Variants in ADAMTS6 observed in about 807,000 individuals in gnomAD.
ADAMTS6 encodes ADAM metallopeptidase with thrombospondin type 1 motif 6, also known as A disintegrin and metalloproteinase with thrombospondin motifs 6.
ADAMTS6 carries 23 observed loss-of-function variants against 144.3 expected under a neutral mutation model. The observed-to-expected ratio is 0.16, with a 90% CI of 0.11 to 0.23. ADAMTS6 has a LOEUF of 0.23. Among genes scored for constraint, ADAMTS6 ranks in the 10% least tolerant of loss-of-function variants. The pLI is 1.00. For missense variants in ADAMTS6, 999 were observed against 1,379.6 expected (o/e 0.72, Z 4.37); for synonymous variants, 444 against 457.5 (o/e 0.97, Z 0.38).
rs187021581 is a variant in ADAMTS6 at position 65,230,436 on chromosome 5, G to T, written c.1934-4217C>A. 8.2e-4 allele frequency among the ~76,000 whole-genome samples: 10 copies of T among 12,130 alleles called. 1 individual carries two copies. Among genetic ancestry groups the T allele is most frequent in the African/African-American group, 7.8e-3 (5 of 638 alleles). 8.0% of individuals were successfully genotyped at this position (12,130 alleles called of 152,430 possible). A position where few individuals can be genotyped will look rare whatever the true frequency, so the allele number is the denominator to read the frequency against. On this transcript the variant is annotated intron_variant, in intron 15 of 24. Coordinates refer to ENST00000381055, the MANE Select transcript of ADAMTS6 (RefSeq NM_197941.4). ...TATATATGAAATATATATAATACAT[G>T]ATATATATGAAATATATATAATACA...
intron 12 of ADAMTS6, among the ~76,000 whole-genome samples, chr5:65,272,352 T>C (rs1450126614): frequency 2.0e-5 from 3 of 152,180 alleles, no homozygotes; most frequent in African/African-American, 7.2e-5. Flanking sequence ...CAACAATTGT[T>C]GTTGTTTTTC....
chr5:65,474,760 G>T (rs1245011403), intron 1 of ADAMTS6, among the ~76,000 whole-genome samples: 1 of 79,060 alleles, frequency 1.3e-5, no homozygotes, highest in African/African-American at 5.1e-5. Context: ...AAATAACTAA[G>T]AGCTAAAAAC....
intron 7 of ADAMTS6, among the ~76,000 whole-genome samples, chr5:65,399,330 C>G (rs950500691): frequency 6.6e-6 from 1 of 152,198 alleles, no homozygotes; most frequent in South Asian, 2.1e-4. Flanking sequence ...CTAACAATCT[C>G]TGTCTTCCAA....
intron 14 of ADAMTS6, among the ~76,000 whole-genome samples, chr5:65,256,041 TG>T (rs1311280900): frequency 1.3e-5 from 2 of 152,150 alleles, no homozygotes; most frequent in Non-Finnish European, 2.9e-5. Context: ...AACAGTGATT[TG>T]TTTTGAGAAT....
Position 65,460,453 on chromosome 5 carries a change from C to T in ADAMTS6, c.463-115G>A, listed in dbSNP as rs1356714419. The T allele has an allele frequency of 4.4e-5, 41 of 926,134 alleles. No homozygotes were observed. In the East Asian group the frequency reaches 6.8e-4, roughly 15 times the overall value. The allele number at this position is 926,134 out of a possible 1,614,324, so 57.4% of individuals were successfully genotyped here. ...CTTCTCCATTTACAGGGTTAAAACACGTTAATAAAAAAATTAGCGAATTAT... is the reference window on the plus strand; with the variant it reads ...CTTCTCCATTTACAGGGTTAAAACATGTTAATAAAAAAATTAGCGAATTAT... On this transcript the variant is annotated intron_variant, in intron 3 of 24. Transcript: ENST00000381055.
intron 8 of ADAMTS6, among the ~76,000 whole-genome samples, 191 bp from the exon 9 acceptor site, chr5:65,329,674 T>A (rs1734486639): frequency 6.6e-6 from 1 of 152,166 alleles, no homozygotes; most frequent in South Asian, 2.1e-4. Flanking sequence ...ACATTAATAT[T>A]TTTTGAACTG....
intron 22 of ADAMTS6, among the ~76,000 whole-genome samples, chr5:65,184,851 G>A (rs1236567049): frequency 1.3e-5 from 2 of 151,612 alleles, no homozygotes; most frequent in South Asian, 4.2e-4. Flanking sequence ...TTTCACTGAC[G>A]CTGGCTTTAC....
intron 10 of ADAMTS6, among the ~76,000 whole-genome samples, chr5:65,293,477 T>G (rs2112769034): frequency 6.6e-6 from 1 of 152,232 alleles, no homozygotes; most frequent in Non-Finnish European, 1.5e-5. Flanking sequence ...AAATAATTAC[T>G]TTTAGTAATA....
At chr5:65,416,751 A>T (rs1228134921) in intron 7 of ADAMTS6, among the ~76,000 whole-genome samples, 1 of 28,008 alleles carries the variant, frequency 3.6e-5, no homozygotes, top group Non-Finnish European at 6.8e-5. Flanking sequence ...CTCCATTTAA[A>T]AAAAAAAAAA....
At chr5:65,409,338 A>C (rs1754854613) in intron 7 of ADAMTS6, among the ~76,000 whole-genome samples, 1 of 126,590 alleles carries the variant, frequency 7.9e-6, no homozygotes, top group East Asian at 2.0e-4. Context: ...ATCCCACAGA[A>C]ATACACTACC....
chr5:65,447,450 C>CAAATGTGT (rs2150242507), intron 7 of ADAMTS6, among the ~76,000 whole-genome samples: 1 of 152,048 alleles, frequency 6.6e-6, no homozygotes, highest in African/African-American at 2.4e-5. Flanking sequence ...ATTTGTATAC[C>CAAATGTGT]ATAAAGACAC....
intron 23 of ADAMTS6, among the ~76,000 whole-genome samples, chr5:65,171,638 T>C (rs1379309267): frequency 6.6e-6 from 1 of 152,088 alleles, no homozygotes; most frequent in African/African-American, 2.4e-5. Flanking sequence ...TGGAGTGTCC[T>C]GTATGTGATT....
At chr5:65,318,816 T>C (rs898974306) in intron 9 of ADAMTS6, among the ~76,000 whole-genome samples, 1 of 152,130 alleles carries the variant, frequency 6.6e-6, no homozygotes, top group African/African-American at 2.4e-5. Flanking sequence ...TACTACCTGA[T>C]ACCACAGCAG....
intron 20 of ADAMTS6, among the ~76,000 whole-genome samples, chr5:65,201,745 A>G (rs1755752966): frequency 6.6e-6 from 1 of 152,196 alleles, no homozygotes; most frequent in South Asian, 2.1e-4. Context: ...TCTACCCAAG[A>G]AACAGTTTTC....
intron 9 of ADAMTS6, among the ~76,000 whole-genome samples, chr5:65,319,658 C>CA (rs1398937079): frequency 2.1e-4 from 21 of 98,848 alleles, no homozygotes; most frequent in East Asian, 1.3e-3. Context: ...GTCTCAAAAA[C>CA]AAAAAAAAAA....
chr5:65,398,854 GAAAGAGAA>G (rs1753670451), intron 7 of ADAMTS6, among the ~76,000 whole-genome samples: 2 of 149,620 alleles, frequency 1.3e-5, no homozygotes, highest in East Asian at 2.1e-4. Context: ...GAAAGAAAAA[GAAAGAGAA>G]AGAAAGAAAG....
At chr5:65,442,357 A>C (rs1757929685) in intron 7 of ADAMTS6, among the ~76,000 whole-genome samples, 1 of 152,152 alleles carries the variant, frequency 6.6e-6, no homozygotes, top group African/African-American at 2.4e-5. Flanking sequence ...ACTGAATAAG[A>C]TAACCTAATT....
chr5:65,308,462 A>T (rs1418798607), intron 9 of ADAMTS6, among the ~76,000 whole-genome samples: 1 of 152,018 alleles, frequency 6.6e-6, no homozygotes, highest in Non-Finnish European at 1.5e-5. Context: ...TGAACTGGAA[A>T]CTGGCTGGTA....
chr5:65,402,919 A>AC (rs1481814258), intron 7 of ADAMTS6, among the ~76,000 whole-genome samples: 1 of 151,658 alleles, frequency 6.6e-6, no homozygotes. Context: ...TTATGACAAA[A>AC]CCCATTGAAT....
Sources: allele counts gnomAD v4.1 joint callset (sites outside exome capture counted in the v4.1 genomes callset), GRCh38; gene constraint gnomAD v4.1.1; transcripts MANE v1.5; gene names NCBI Gene and HGNC (gene_info 2026-07-23, HGNC 2026-07-21).